The following PKD1L1 variants were observed in gnomAD, a reference collection of about 807,000 sequenced individuals.
The protein encoded by PKD1L1 is polycystin-1-like protein 1.
PKD1L1 carries 236 observed loss-of-function variants against 323.4 expected under a neutral mutation model. The observed-to-expected ratio is 0.73, with a 90% CI of 0.66 to 0.81. The LOEUF is 0.81. PKD1L1 is among the 40% of genes least tolerant of loss of function. The pLI, the probability that PKD1L1 is intolerant of heterozygous loss-of-function variation, is 0.00. For synonymous variants in PKD1L1, 1,344 were observed against 1,335.0 expected, an observed-to-expected ratio of 1.01 and a Z score of -0.15; for missense variants, 3,320 against 3,508.0, an observed-to-expected ratio of 0.95 and a Z score of 1.35.
intron 34 of PKD1L1, 27 bp downstream of exon 34, chr7:47,842,935 A>G: frequency 6.3e-7 from 1 of 1,596,028 alleles, no homozygotes; most frequent in East Asian, 2.2e-5. Flanking sequence ...GACACCATCA[A>G]AGAGTACCCC....
At chr7:47,850,414 C>G (rs966805395) in intron 31 of PKD1L1, among the ~76,000 whole-genome samples, 1 of 151,874 alleles carries the variant, frequency 6.6e-6, no homozygotes, top group African/African-American at 2.4e-5. Context: ...GATGGATGAC[C>G]CGAGGTCAGG....
chr7:47,942,573 T>C (rs539641583), intron 2 of PKD1L1, among the ~76,000 whole-genome samples: 1 of 152,282 alleles, frequency 6.6e-6, no homozygotes, highest in South Asian at 2.1e-4. Context: ...AAATTCCTTC[T>C]ACTTAAAGGA....
intron 46 of PKD1L1, among the ~76,000 whole-genome samples, chr7:47,819,109 G>A (rs1785085976): frequency 1.3e-5 from 2 of 152,126 alleles, no homozygotes; most frequent in African/African-American, 4.8e-5. Context: ...GATGTTTCAG[G>A]ATTAGGTATT....
At position 47,858,771 on chromosome 7, in the gene PKD1L1, G is replaced by C. The variant is rs761143873; in HGVS notation, c.4264C>G (p.Leu1422Val). The C allele has an allele frequency of 1.2e-6, 2 of 1,614,176 alleles. No homozygotes were observed. Among genetic ancestry groups the C allele is most frequent in the Non-Finnish European group, 1.7e-6 (2 of 1,180,032 alleles). Residue 1422 changes from leucine (L) to valine (V), a missense_variant, in exon 27 of 57, where the codon CTC becomes GTC. Physicochemically the swap from Leu to Val is conservative, Grantham distance 32 (BLOSUM62 1). Transcript: ENST00000289672. ...DKGVRLELIGLISRVWEVSEQ... is the reference protein window; with the variant it reads ...DKGVRLELIGVISRVWEVSEQ... ...GAGACTTCCCAGACTCTGGATATGA[G>C]ACCGATGAGCTCAAGCCTCACTCCT... is the stretch of plus-strand genomic sequence containing the variant.
chr7:47,959,555 C>T, the PKD1L1 span, among the ~76,000 whole-genome samples: 15 of 140,300 alleles, frequency 1.1e-4, no homozygotes, highest in African/African-American at 1.6e-4. Context: ...CCAGCCGCCC[C>T]GTCTGAGAAG....
At chr7:47,900,393 C>G (rs1203617208) in intron 13 of PKD1L1, among the ~76,000 whole-genome samples, 1 of 152,182 alleles carries the variant, frequency 6.6e-6, no homozygotes, top group Admixed American at 6.6e-5. Flanking sequence ...AGGCCATACA[C>G]TTGCAGAACA....
At chr7:47,841,346 C>T (rs925518905) in intron 34 of PKD1L1, among the ~76,000 whole-genome samples, 1 of 152,178 alleles carries the variant, frequency 6.6e-6, no homozygotes, top group East Asian at 1.9e-4. Flanking sequence ...GTACCTCTCC[C>T]GAGGTCATGA....
At position 47,915,588 on chromosome 7, in the gene PKD1L1, G is replaced by GA. The variant is rs544774439; in HGVS notation, c.1071dup (p.His358SerfsTer30). 88 of 1,492,872 alleles carry GA rather than the reference G, an allele frequency of 5.9e-5. No individual in the cohort carries two copies. The highest frequency in any genetic ancestry group is 1.2e-4 in the Admixed American group (6 of 49,356). 92.5% of individuals were successfully genotyped at this position (1,492,872 alleles called of 1,614,324 possible). On this transcript the variant is annotated frameshift_variant, in exon 8 of 57. Transcript: ENST00000289672. LOFTEE classifies it high-confidence loss of function. ...ATATCCAACTGAAAATGTAAAAGAT[G>GA]AAAAAAAATACCTATAAAAGCAAAA...
In PKD1L1 at chr7:47,908,881, T is replaced by A. The variant is rs1351700659; in HGVS notation, c.1229-631A>T. Among the ~76,000 whole-genome samples the A allele has an allele frequency of 2.6e-5, 4 of 152,286 alleles. No homozygotes were observed. The East Asian group carries it at 7.7e-4, about 29-fold the overall frequency. On this transcript the variant is annotated intron_variant, in intron 8 of 56. Transcript: ENST00000289672. ...GTCTTGGGACCTCTGTCATTGTCATTGGGACCATGTCATTTCCATGTGAAT... is the reference window on the plus strand; with the variant it reads ...GTCTTGGGACCTCTGTCATTGTCATAGGGACCATGTCATTTCCATGTGAAT...
At chr7:47,827,269 G>A (rs1416017456) in intron 45 of PKD1L1, 81 bp downstream of exon 45, 6 of 1,235,918 alleles carry the variant, frequency 4.9e-6, no homozygotes, top group Non-Finnish European at 6.7e-6. Context: ...AATCTCCCAG[G>A]AGGACCAGCG....
At chr7:47,909,659 C>T (rs1787277580) in intron 8 of PKD1L1, among the ~76,000 whole-genome samples, 1 of 152,174 alleles carries the variant, frequency 6.6e-6, no homozygotes. Context: ...ATCAAGTTTA[C>T]AGAATGGAAT....
rs916917500 is a variant in PKD1L1, at chr7:47,778,022, C to T, written c.8527-2856G>A. 1.7e-4 allele frequency among the ~76,000 whole-genome samples: 26 copies of T among 152,332 alleles called. No individual in the cohort carries two copies. The East Asian group carries it at 5.0e-3, about 29-fold the overall frequency. Reference sequence around the variant, plus strand: ...AGTGAGGGACAGACAGAGATGGATGCTGGTAGCCATCAACATTTAGCATAG... The same window carrying T: ...AGTGAGGGACAGACAGAGATGGATGTTGGTAGCCATCAACATTTAGCATAG... On this transcript the variant is annotated intron_variant, in intron 56 of 56. Coordinates refer to ENST00000289672, the MANE Select transcript of PKD1L1 (RefSeq NM_138295.5).
At chr7:47,915,379 C>A in intron 8 of PKD1L1, 53 bp downstream of exon 8, 1 of 776,906 alleles carries the variant, frequency 1.3e-6, no homozygotes, top group Non-Finnish European at 2.4e-6. Context: ...TCCTGACAAA[C>A]AGCTTTATAT....
chr7:47,829,092 G>A (rs1008397418), intron 44 of PKD1L1, among the ~76,000 whole-genome samples: 18 of 152,194 alleles, frequency 1.2e-4, no homozygotes, highest in African/African-American at 4.3e-4. Context: ...ATGGGGAGGA[G>A]TACATTTTCT....
intron 46 of PKD1L1, chr7:47,817,891 T>G: frequency 1.7e-6 from 1 of 594,358 alleles, no homozygotes; most frequent in Non-Finnish European, 2.5e-6. Context: ...TTCCATAGCA[T>G]GTATGAGTAA....
At chr7:47,872,099 C>T (rs1459476506) in intron 24 of PKD1L1, among the ~76,000 whole-genome samples, 2 of 152,176 alleles carry the variant, frequency 1.3e-5, no homozygotes, top group Non-Finnish European at 2.9e-5. Context: ...AGATACTCCC[C>T]AAACTGATGT....
intron 14 of PKD1L1, among the ~76,000 whole-genome samples, chr7:47,894,732 T>A (rs754660122): frequency 4.0e-5 from 6 of 151,560 alleles, no homozygotes; most frequent in Non-Finnish European, 2.9e-5. Flanking sequence ...GTGCCTGTAA[T>A]CCCAGCTACA....
rs776368065 is a variant in PKD1L1, at chr7:47,837,083, G to A, written c.5781C>T (p.Cys1927=). The A allele has an allele frequency of 1.2e-6, 2 of 1,614,094 alleles. No homozygotes were observed. The highest frequency in any genetic ancestry group is 2.2e-5 in the South Asian group (2 of 91,064). Residue 1927 remains cysteine, a synonymous_variant, in exon 37 of 57, where the codon TGC becomes TGT. Transcript: ENST00000289672. ...AATCCTCCAGGTACTCTGTGAACTT[G>A]CAATAGAAAAGCTGAAACGGAAAGC... ...GGLGFRKLFY[C]KFTEYLEDFH...
At chr7:47,827,260 A>G in intron 45 of PKD1L1, 90 bp downstream of exon 45, 4 of 1,153,250 alleles carry the variant, frequency 3.5e-6, no homozygotes, top group African/African-American at 1.5e-5. Flanking sequence ...CAGGAGAACA[A>G]TCTCCCAGGA....
Sources: gnomAD v4.1 joint callset for allele counts (sites outside exome capture counted in the v4.1 genomes callset) on GRCh38, gnomAD v4.1.1 for gene constraint, MANE v1.5 for transcripts, NCBI Gene and HGNC (gene_info 2026-07-23, HGNC 2026-07-21) for gene names.